Variants in KCNH5 observed in about 807,000 individuals in gnomAD.
KCNH5 encodes the protein potassium voltage-gated channel subfamily H member 5.
In KCNH5, 46 loss-of-function variants were observed where a neutral mutation model predicts 96.1. The observed-to-expected ratio is 0.48, with a 90% CI of 0.38 to 0.61. The LOEUF is 0.61. Among genes scored for constraint, KCNH5 ranks in the 20% least tolerant of loss-of-function variants. KCNH5 has a pLI of 0.00. For synonymous variants in KCNH5, 439 were observed against 449.8 expected (o/e 0.98, Z 0.30); for missense variants, 907 against 1,225.8 (o/e 0.74, Z 3.88).
At chr14:62,791,076 T>C (rs1886424317) in intron 9 of KCNH5, among the ~76,000 whole-genome samples, 1 of 151,742 alleles carries the variant, frequency 6.6e-6, no homozygotes, top group South Asian at 2.1e-4. Context: ...AAGTCTTTAG[T>C]TGTTCCCCAT....
chr14:62,890,519 C>A (rs1232109614), intron 7 of KCNH5, among the ~76,000 whole-genome samples: 3 of 148,112 alleles, frequency 2.0e-5, no homozygotes, highest in South Asian at 2.3e-4. Context: ...CACGGTGAAA[C>A]CCCGTCTCTA....
intron 10 of KCNH5, among the ~76,000 whole-genome samples, chr14:62,760,031 G>A (rs1344919301): frequency 6.6e-6 from 1 of 152,018 alleles, no homozygotes. Flanking sequence ...TGACTCTCAG[G>A]TACAAACATG....
chr14:62,939,777 C>T (rs1380806100), intron 7 of KCNH5, among the ~76,000 whole-genome samples: 1 of 152,042 alleles, frequency 6.6e-6, no homozygotes, highest in African/African-American at 2.4e-5. Context: ...CCCAACTCTA[C>T]TAAAATTACA....
rs370495868 is a variant in KCNH5, at chr14:62,904,287, A to T, written c.1369+45846T>A. Among the ~76,000 whole-genome samples the T allele has an allele frequency of 3.5e-4, 54 of 152,322 alleles. 3 individuals are homozygous for T. In the South Asian group the frequency reaches 7.3e-3, roughly 20 times the overall value. On this transcript the variant is annotated intron_variant, in intron 7 of 10. Coordinates refer to ENST00000322893, the MANE Select transcript of KCNH5 (RefSeq NM_139318.5). ...ATTTTTCCTTCGCTGGCATAAACTT[A>T]TTATGTTACACAAGTGAAGGGTCTC...
intron 2 of KCNH5, among the ~76,000 whole-genome samples, chr14:63,010,619 G>A (rs1156955435): frequency 6.6e-6 from 1 of 152,140 alleles, no homozygotes; most frequent in Non-Finnish European, 1.5e-5. Context: ...TTGTCTTCAG[G>A]CCTGGTCTAG....
At chr14:62,744,679 T>C (rs1028369915) in intron 10 of KCNH5, among the ~76,000 whole-genome samples, 15 of 152,210 alleles carry the variant, frequency 9.9e-5, no homozygotes, top group Admixed American at 7.9e-4. Context: ...GATTCGTAAG[T>C]AGATAAACTA....
At chr14:62,997,738 A>G (rs146945137) in intron 4 of KCNH5, among the ~76,000 whole-genome samples, 3,403 of 151,704 alleles carry the variant, frequency 0.022, 119 homozygotes, top group African/African-American at 0.077. Context: ...TCTACTAAAA[A>G]TACAAAAAAA....
chr14:62,851,418 T>C (rs1025003176), intron 7 of KCNH5, among the ~76,000 whole-genome samples: 6 of 151,358 alleles, frequency 4.0e-5, no homozygotes, highest in African/African-American at 7.3e-5. Context: ...AAGAGGTTAC[T>C]AGGATTCTGG....
chr14:62,964,082 C>T (rs1400292697), intron 6 of KCNH5, among the ~76,000 whole-genome samples: 2 of 151,988 alleles, frequency 1.3e-5, no homozygotes, highest in Admixed American at 6.6e-5. Flanking sequence ...CAAAGAGTAG[C>T]TCCATTTTCT....
At chr14:62,875,042 C>A in intron 7 of KCNH5, among the ~76,000 whole-genome samples, 1 of 122,172 alleles carries the variant, frequency 8.2e-6, no homozygotes, top group Non-Finnish European at 1.7e-5. Flanking sequence ...TCTTATACAC[C>A]AACAACAGAC....
At chr14:62,948,962 T>C (rs1162589812) in intron 7 of KCNH5, among the ~76,000 whole-genome samples, 11 of 149,700 alleles carry the variant, frequency 7.3e-5, no homozygotes, top group Admixed American at 1.3e-4. Context: ...TTCAACAACC[T>C]TTCATGCTAA....
intron 6 of KCNH5, among the ~76,000 whole-genome samples, chr14:62,953,694 A>T (rs986960705): frequency 6.6e-6 from 1 of 152,138 alleles, no homozygotes; most frequent in Non-Finnish European, 1.5e-5. Flanking sequence ...AAGTGCCTAA[A>T]TGCTCAAAAT....
chr14:62,752,300 A>G (rs1595606796), intron 10 of KCNH5, among the ~76,000 whole-genome samples: 3 of 151,794 alleles, frequency 2.0e-5, no homozygotes, highest in Admixed American at 1.3e-4. Flanking sequence ...CCAAGGAAAG[A>G]CCCCTTCTGC....
At chr14:62,740,645 T>G (rs1426196844) in intron 10 of KCNH5, among the ~76,000 whole-genome samples, 2 of 152,184 alleles carry the variant, frequency 1.3e-5, no homozygotes, top group East Asian at 3.8e-4. Flanking sequence ...TTTATTTTTA[T>G]TAAGCTTATC....
intron 8 of KCNH5, among the ~76,000 whole-genome samples, chr14:62,819,018 G>C (rs1301148371): frequency 6.6e-6 from 1 of 152,268 alleles, no homozygotes; most frequent in Non-Finnish European, 1.5e-5. Context: ...CCAGGCTGGA[G>C]TGCAGTGGCA....
chr14:62,766,757 T>C (rs531164736), intron 10 of KCNH5, among the ~76,000 whole-genome samples: 2 of 152,176 alleles, frequency 1.3e-5, no homozygotes, highest in African/African-American at 4.8e-5. Flanking sequence ...AAATAAGACC[T>C]AGTATTTGAT....
intron 10 of KCNH5, among the ~76,000 whole-genome samples, chr14:62,714,110 C>G (rs1011253092): frequency 2.2e-5 from 3 of 138,356 alleles, no homozygotes; most frequent in Non-Finnish European, 4.7e-5. Context: ...CAGGGAGACC[C>G]TATCTCTACA....
Position 63,045,315 on chromosome 14 carries a change from G to A in KCNH5, c.-129C>T. 1.4e-6 allele frequency: 1 copy of A among 733,974 alleles called. No individual in the cohort carries two copies. The highest frequency in any genetic ancestry group is 1.6e-5 in the South Asian group (1 of 61,714). The allele number at this position is 733,974 out of a possible 1,614,324, so 45.5% of individuals were successfully genotyped here. A position where few individuals can be genotyped will look rare whatever the true frequency, so the allele number is the denominator to read the frequency against. On this transcript the variant is annotated 5_prime_UTR_variant, in exon 1 of 11. Transcript: ENST00000322893. ...CGAAAGAAGAGGGGGCGCGGCGGCG[G>A]CGACGGGGTCCCCTGACTGTGTCTC...
At chr14:62,938,512 T>C (rs1889727990) in intron 7 of KCNH5, among the ~76,000 whole-genome samples, 1 of 152,224 alleles carries the variant, frequency 6.6e-6, no homozygotes, top group Non-Finnish European at 1.5e-5. Context: ...TAAAGGCCTT[T>C]GGTATGACAT....
Sources: gnomAD v4.1 joint callset for allele counts (sites outside exome capture counted in the v4.1 genomes callset) on GRCh38, gnomAD v4.1.1 for gene constraint, MANE v1.5 for transcripts, NCBI Gene and HGNC (gene_info 2026-07-23, HGNC 2026-07-21) for gene names.